ZBTB20: variants seen among roughly 807,000 people sequenced by gnomAD.
The protein encoded by ZBTB20 is zinc finger and BTB domain containing 20, also known as zinc finger and BTB domain-containing protein 20.
ZBTB20 carries 9 observed loss-of-function variants against 56.9 expected under a neutral mutation model. The observed-to-expected ratio is 0.16, with a 90% confidence interval of 0.10 to 0.28. The LOEUF (loss-of-function observed/expected upper bound fraction) is 0.28. Ranked by LOEUF, ZBTB20 falls within the 10% of genes least tolerant of loss-of-function variation. The pLI is 1.00. For synonymous variants in ZBTB20, 417 were observed against 420.7 expected (o/e 0.99, Z 0.11); for missense variants, 655 against 1,003.0 (o/e 0.65, Z 4.69).
At chr3:114,425,104 T>C (rs2089534660) in intron 7 of ZBTB20, among the ~76,000 whole-genome samples, 1 of 147,630 alleles carries the variant, frequency 6.8e-6, no homozygotes, top group South Asian at 2.1e-4. Flanking sequence ...GGCAACAAGG[T>C]GTCGCTCTGA....
At chr3:115,116,481 T>C (rs1235706841) in intron 1 of ZBTB20, among the ~76,000 whole-genome samples, 3 of 152,016 alleles carry the variant, frequency 2.0e-5, no homozygotes, top group Non-Finnish European at 2.9e-5. Context: ...TTGAAGCAGG[T>C]TACTTATCCA....
intron 2 of ZBTB20, among the ~76,000 whole-genome samples, chr3:115,020,471 A>C (rs1375332955): frequency 6.6e-6 from 1 of 151,216 alleles, no homozygotes; most frequent in Non-Finnish European, 1.5e-5. Flanking sequence ...AGGTCTAGAC[A>C]GGTTTAGATA....
At chr3:114,992,203 T>C (rs1329252952) in intron 2 of ZBTB20, among the ~76,000 whole-genome samples, 1 of 152,046 alleles carries the variant, frequency 6.6e-6, no homozygotes, top group East Asian at 1.9e-4. Context: ...CATATGATTA[T>C]TGATGTGAAA....
At chr3:115,073,294 A>G (rs74677251) in intron 1 of ZBTB20, among the ~76,000 whole-genome samples, 1 of 152,218 alleles carries the variant, frequency 6.6e-6, no homozygotes, top group Non-Finnish European at 1.5e-5. Context: ...TTTGTTCTAA[A>G]TAATCTACTT....
At chr3:114,946,366 T>C (rs2107881615) in intron 3 of ZBTB20, among the ~76,000 whole-genome samples, 2 of 145,752 alleles carry the variant, frequency 1.4e-5, no homozygotes, top group Non-Finnish European at 3.0e-5. Context: ...ATAAGTATTA[T>C]AAAATACATC....
At chr3:114,593,291 A>G (rs905776330) in intron 6 of ZBTB20, among the ~76,000 whole-genome samples, 7 of 152,164 alleles carry the variant, frequency 4.6e-5, no homozygotes, top group Admixed American at 1.3e-4. Context: ...CGGGGTGGGA[A>G]TCACTATAAA....
At chr3:115,019,616 T>A (rs1174761685) in intron 2 of ZBTB20, among the ~76,000 whole-genome samples, 2 of 151,280 alleles carry the variant, frequency 1.3e-5, no homozygotes, top group East Asian at 3.9e-4. Context: ...GAACATTTGT[T>A]TCATATAAAA....
chr3:114,365,548 AC>A (rs2108374875), intron 10 of ZBTB20, among the ~76,000 whole-genome samples: 1 of 152,318 alleles, frequency 6.6e-6, no homozygotes, highest in Admixed American at 6.5e-5. Flanking sequence ...TGCTAGACTG[AC>A]AGTCACATGC....
intron 7 of ZBTB20, among the ~76,000 whole-genome samples, chr3:114,420,802 G>A (rs1303037978): frequency 1.3e-5 from 2 of 152,120 alleles, no homozygotes; most frequent in African/African-American, 2.4e-5. Flanking sequence ...CCTTTATGAG[G>A]TGGAAGTCAC....
chr3:114,315,512 G>A lies in ZBTB20; in HGVS notation c.*23493C>T, dbSNP rs1426696783. The A allele has an allele frequency of 6.6e-6, 1 of 151,078 alleles. No individual in the cohort carries two copies. The highest frequency in any genetic ancestry group is 1.5e-5 in the Non-Finnish European group (1 of 67,908). The allele number at this position is 151,078 out of a possible 1,614,324, so 9.4% of individuals were successfully genotyped here. On this transcript the variant is annotated 3_prime_UTR_variant, in exon 12 of 12. Transcript: ENST00000675478. Reference sequence around the variant, plus strand: ...TGTGTGTGCATGTGTGTATGTTTTAGGTCACATAAACATACAGTGTGTGCG... The same window carrying A: ...TGTGTGTGCATGTGTGTATGTTTTAAGTCACATAAACATACAGTGTGTGCG...
intron 1 of ZBTB20, among the ~76,000 whole-genome samples, chr3:115,126,986 A>G (rs1048727443): frequency 2.0e-5 from 3 of 152,198 alleles, no homozygotes; most frequent in African/African-American, 7.2e-5. Context: ...TAAATGACAA[A>G]TGATTTAGTA....
intron 7 of ZBTB20, among the ~76,000 whole-genome samples, chr3:114,469,569 T>C (rs1576933557): frequency 6.6e-6 from 1 of 152,342 alleles, no homozygotes; most frequent in East Asian, 1.9e-4. Flanking sequence ...TTCTGATTCA[T>C]GAGAAATCAG....
chr3:114,387,399 T>C (rs1303657171), intron 8 of ZBTB20: 1 of 152,246 alleles, frequency 6.6e-6, no homozygotes, highest in Non-Finnish European at 1.5e-5. Context: ...GCAAAGATTA[T>C]AACCCAGTCT....
chr3:114,349,113 T>C (rs953897), intron 11 of ZBTB20, among the ~76,000 whole-genome samples: 41,079 of 150,970 alleles, frequency 0.27, 7,004 homozygotes, highest in Non-Finnish European at 0.37. Flanking sequence ...AGTGGGAGGA[T>C]TGCTTCAGTC....
chr3:114,379,911 C>T (rs2084106961), intron 10 of ZBTB20, among the ~76,000 whole-genome samples: 2 of 152,148 alleles, frequency 1.3e-5, no homozygotes, highest in African/African-American at 4.8e-5. Context: ...GTGCCATTAT[C>T]CAGATCAAGA....
chr3:114,678,090 G>T (rs1455370997), intron 6 of ZBTB20, among the ~76,000 whole-genome samples: 1 of 152,088 alleles, frequency 6.6e-6, no homozygotes, highest in Non-Finnish European at 1.5e-5. Flanking sequence ...TCTTTTGTCT[G>T]TAGTATTCTC....
chr3:114,566,909 G>T (rs969360693), intron 6 of ZBTB20, among the ~76,000 whole-genome samples: 5 of 152,180 alleles, frequency 3.3e-5, no homozygotes, highest in African/African-American at 9.7e-5. Context: ...AATGATAATG[G>T]TTAGTGCTGA....
intron 6 of ZBTB20, among the ~76,000 whole-genome samples, chr3:114,514,260 T>C (rs1475046558): frequency 1.3e-5 from 2 of 152,172 alleles, no homozygotes; most frequent in Admixed American, 1.3e-4. Context: ...TTTTTTGAAC[T>C]TATATATTGA....
chr3:115,066,590 C>A (rs776028096), intron 2 of ZBTB20, among the ~76,000 whole-genome samples: 1 of 152,106 alleles, frequency 6.6e-6, no homozygotes, highest in Non-Finnish European at 1.5e-5. Context: ...TGCTTTTTCT[C>A]AATAGAACTA....
Sources: allele counts gnomAD v4.1 joint callset (sites outside exome capture counted in the v4.1 genomes callset), GRCh38; gene constraint gnomAD v4.1.1; transcripts MANE v1.5; gene names NCBI Gene and HGNC (gene_info 2026-07-23, HGNC 2026-07-21).